MED13L: variants seen among roughly 807,000 people sequenced by gnomAD.
The protein encoded by MED13L is mediator of RNA polymerase II transcription subunit 13-like.
Under a neutral mutation model 220.9 loss-of-function variants are expected in MED13L, and 7 were observed. The observed-to-expected ratio is 0.03, with a 90% CI of 0.02 to 0.06. The LOEUF is 0.06. MED13L is among the 10% of genes least tolerant of loss of function. The pLI, the probability that MED13L is intolerant of heterozygous loss-of-function variation, is 1.00. For synonymous variants in MED13L, 1,011 were observed against 1,015.2 expected, an observed-to-expected ratio of 1.00 and a Z score of 0.08; for missense variants, 1,965 against 2,760.5, an observed-to-expected ratio of 0.71 and a Z score of 6.46.
At chr12:116,007,004 G>C (rs564964283) in intron 11 of MED13L, 2 of 264,294 alleles carry the variant, frequency 7.6e-6, no homozygotes, top group South Asian at 1.0e-4. Context: ...TATAGGTACA[G>C]CGCTCAGCAC....
At chr12:116,158,144 T>G in intron 2 of MED13L, among the ~76,000 whole-genome samples, 1 of 147,736 alleles carries the variant, frequency 6.8e-6, no homozygotes. Flanking sequence ...GAGCAGAAAT[T>G]CAAGGGGAAA....
intron 4 of MED13L, among the ~76,000 whole-genome samples, chr12:116,044,172 G>A (rs1881697049): frequency 6.6e-6 from 1 of 152,108 alleles, no homozygotes; most frequent in Non-Finnish European, 1.5e-5. Context: ...GTATTCTAGT[G>A]CCCACCCCAT....
chr12:115,988,733 C>A (rs1489927833), intron 17 of MED13L, among the ~76,000 whole-genome samples: 1 of 152,162 alleles, frequency 6.6e-6, no homozygotes, highest in Non-Finnish European at 1.5e-5. Context: ...TACTTTTAGG[C>A]ATCTTAAAAT....
At position 116,027,420 on chromosome 12, in the gene MED13L, AAAACAAAC is replaced by A. The variant is rs530338836; in HGVS notation, c.480-4827_480-4820del. On this transcript the variant is annotated intron_variant, in intron 4 of 30. Coordinates refer to ENST00000281928, the MANE Select transcript of MED13L (RefSeq NM_015335.5). ...CGGGGTGACAGAGAGACTCTGTCTC[AAAACAAAC>A]AAACAAACAAACAAACAATCCCTAA... 1.3e-3 allele frequency among the ~76,000 whole-genome samples: 202 copies of A among 152,194 alleles called. 1 individual carries two copies. Among genetic ancestry groups the A allele is most frequent in the Non-Finnish European group, 6.0e-4 (41 of 67,998 alleles).
chr12:115,976,845 C>T (rs1876974610), intron 23 of MED13L, among the ~76,000 whole-genome samples: 1 of 152,140 alleles, frequency 6.6e-6, no homozygotes, highest in South Asian at 2.1e-4. Flanking sequence ...TTATGGCTGT[C>T]ACACATTCTC....
At chr12:116,244,707 T>G (rs1484593674) in intron 1 of MED13L, among the ~76,000 whole-genome samples, 1 of 152,192 alleles carries the variant, frequency 6.6e-6, no homozygotes, top group Non-Finnish European at 1.5e-5. Context: ...TTCCAACACT[T>G]TGGCAGGCCC....
chr12:116,185,020 A>C (rs148201547), intron 2 of MED13L, among the ~76,000 whole-genome samples: 127 of 152,350 alleles, frequency 8.3e-4, no homozygotes, highest in African/African-American at 3.0e-3. Flanking sequence ...AAGAAAATCC[A>C]GGCATCTAAA....
chr12:116,072,516 A>G (rs1870461765), intron 4 of MED13L, among the ~76,000 whole-genome samples: 1 of 152,156 alleles, frequency 6.6e-6, no homozygotes, highest in African/African-American at 2.4e-5. Context: ...CAGTGGCGCA[A>G]TCTCGGCTCA....
chr12:115,978,536 A>G (rs1877113266), intron 23 of MED13L, among the ~76,000 whole-genome samples: 1 of 152,120 alleles, frequency 6.6e-6, no homozygotes, highest in Non-Finnish European at 1.5e-5. Flanking sequence ...CATGCTGGCC[A>G]AGCTGGTCTC....
chr12:116,016,225 A>G (rs1592950212), intron 7 of MED13L, among the ~76,000 whole-genome samples: 1 of 152,146 alleles, frequency 6.6e-6, no homozygotes, highest in East Asian at 1.9e-4. Flanking sequence ...AAGCAACTTT[A>G]TAACACAAAC....
At chr12:115,963,568 T>C in intron 29 of MED13L, 49 bp from the exon 30 acceptor site, 2 of 1,394,934 alleles carry the variant, frequency 1.4e-6, no homozygotes, top group Non-Finnish European at 2.0e-6. Flanking sequence ...ACAATCACAG[T>C]GCAGAAGTGA....
At chr12:116,030,119 C>T (rs972280479) in intron 4 of MED13L, among the ~76,000 whole-genome samples, 2 of 152,164 alleles carry the variant, frequency 1.3e-5, no homozygotes, top group Non-Finnish European at 2.9e-5. Flanking sequence ...AGATGTGCGC[C>T]GCTACGCCCA....
intron 3 of MED13L, among the ~76,000 whole-genome samples, chr12:116,109,493 C>T (rs192835288): frequency 7.9e-5 from 12 of 151,840 alleles, no homozygotes; most frequent in Middle Eastern, 3.4e-3. Flanking sequence ...CGCATTTGTT[C>T]GTATTCTTCT....
chr12:115,986,425 G>A lies in MED13L; in HGVS notation c.4179C>T (p.Phe1393=). ...GCAAGGAGAATGGCGAGATGGTGAGGAAATCCTTGTCATAGCCTACCAGCA... is the reference window on the plus strand; with the variant it reads ...GCAAGGAGAATGGCGAGATGGTGAGAAAATCCTTGTCATAGCCTACCAGCA... ...PTLLVGYDKD[F]LTISPFSLPF... is the part of the protein sequence containing the mutation. The change falls in exon 19 of 31, where the codon TTC becomes TTT. Residue 1393 remains phenylalanine (F), a synonymous_variant. Coordinates refer to ENST00000281928, the MANE Select transcript of MED13L (RefSeq NM_015335.5). The A allele has an allele frequency of 6.2e-7, 1 of 1,614,152 alleles. No homozygotes were observed. The highest frequency in any genetic ancestry group is 1.1e-5 in the South Asian group (1 of 91,074).
At position 116,265,182 on chromosome 12, in the gene MED13L, T is replaced by C. The variant is rs191203679; in HGVS notation, c.72+11878A>G. On this transcript the variant is annotated intron_variant, in intron 1 of 30. Transcript: ENST00000281928. Reference sequence around the variant, plus strand: ...CTCTCCCCTTCAAGGTTCACCACGATTGTCTCTGAAAATCACCATTATTTC... The same window carrying C: ...CTCTCCCCTTCAAGGTTCACCACGACTGTCTCTGAAAATCACCATTATTTC... 3.1e-3 allele frequency among the ~76,000 whole-genome samples: 468 copies of C among 152,346 alleles called. 5 individuals are homozygous for C. The highest frequency in any genetic ancestry group is 0.01 in the African/African-American group (430 of 41,574).
chr12:115,998,768 G>A (rs1878564576), intron 14 of MED13L, among the ~76,000 whole-genome samples: 2 of 152,176 alleles, frequency 1.3e-5, no homozygotes, highest in South Asian at 4.1e-4. Context: ...AGAGGGAGAG[G>A]CCAATCAGCA....
chr12:116,170,415 A>G (rs756709161), intron 2 of MED13L, among the ~76,000 whole-genome samples: 1 of 152,066 alleles, frequency 6.6e-6, no homozygotes, highest in Non-Finnish European at 1.5e-5. Flanking sequence ...TTTATCAGTC[A>G]TTCTCTCAAG....
chr12:116,006,103 A>T, intron 12 of MED13L, 110 bp from the exon 13 acceptor site: 1 of 1,487,640 alleles, frequency 6.7e-7, no homozygotes, highest in Non-Finnish European at 9.3e-7. Flanking sequence ...GTTTTTCCCT[A>T]TGGTTTTAGT....
intron 4 of MED13L, among the ~76,000 whole-genome samples, chr12:116,066,475 C>T (rs539181046): frequency 6.6e-6 from 1 of 152,194 alleles, no homozygotes; most frequent in Non-Finnish European, 1.5e-5. Flanking sequence ...TGTTAAATAT[C>T]GTATGTTCTT....
Sources: allele counts gnomAD v4.1 joint callset (sites outside exome capture counted in the v4.1 genomes callset), GRCh38; gene constraint gnomAD v4.1.1; transcripts MANE v1.5; gene names NCBI Gene and HGNC (gene_info 2026-07-23, HGNC 2026-07-21).